The following LRRC7 variants were observed in gnomAD, a reference collection of about 807,000 sequenced individuals.
The protein encoded by LRRC7 is leucine rich repeat containing 7.
A neutral mutation model predicts 175.7 loss-of-function variants in LRRC7; 23 were observed. The observed-to-expected ratio is 0.13, with a 90% CI of 0.09 to 0.19. The LOEUF (loss-of-function observed/expected upper bound fraction) is 0.19, where lower values mean the gene tolerates loss of function less well. LRRC7 is among the 10% of genes least tolerant of loss of function. The probability of loss-of-function intolerance (pLI) is 1.00; values close to 1 mark genes in which losing one functional copy is unlikely to be tolerated. For synonymous variants in LRRC7, 685 were observed against 680.9 expected (o/e 1.01, Z -0.09); for missense variants, 1,354 against 1,904.7 (o/e 0.71, Z 5.38).
At position 69,656,857 on chromosome 1, in the gene LRRC7, C is replaced by T. The variant is rs539602459; in HGVS notation, c.3-21524C>T. On this transcript the variant is annotated intron_variant, in intron 1 of 26. Coordinates refer to ENST00000651989, the MANE Select transcript of LRRC7 (RefSeq NM_001370785.2). Reference sequence around the variant, plus strand: ...GTTAACCACTTGGGTATAACAATAACAATAGTAGAAATAAACAATTTTAGC... The same window carrying T: ...GTTAACCACTTGGGTATAACAATAATAATAGTAGAAATAAACAATTTTAGC... Among the ~76,000 whole-genome samples the T allele has an allele frequency of 2.7e-5, 4 of 149,556 alleles. No individual in the cohort carries two copies. In the East Asian group the frequency reaches 7.8e-4, roughly 29 times the overall value.
At position 69,600,793 on chromosome 1, in the gene LRRC7, CT is replaced by C. The variant is rs550238673; in HGVS notation, c.2+32153del. 1.7e-3 allele frequency among the ~76,000 whole-genome samples: 48 copies of C among 28,296 alleles called. 12 individuals are homozygous for C. In the East Asian group the frequency reaches 0.054, roughly 32 times the overall value. 18.6% of individuals were successfully genotyped at this position (28,296 alleles called of 152,430 possible). On this transcript the variant is annotated intron_variant, in intron 1 of 26. Transcript: ENST00000651989. ...GAATTAGCCATTTCTCCAAGGATCTCTGGTTTCTTTTTTTTTTTTTTTTTTT... is the reference window on the plus strand; with the variant it reads ...GAATTAGCCATTTCTCCAAGGATCTCGGTTTCTTTTTTTTTTTTTTTTTTT...
Position 69,665,730 on chromosome 1 carries a change from C to T in LRRC7, c.3-12651C>T, listed in dbSNP as rs553945542. Among the ~76,000 whole-genome samples, 9 of 151,282 alleles carry T rather than the reference C, an allele frequency of 5.9e-5. No homozygotes were observed. In the Middle Eastern group the frequency reaches 0.01, roughly 173 times the overall value. On this transcript the variant is annotated intron_variant, in intron 1 of 26. Transcript: ENST00000651989. ...GTTCTAATAGTTTTCTTGGTGGAGA[C>T]GTTAGATTTTTCCAAATATAAGATC...
At chr1:69,937,615 T>C (rs1648181425) in intron 8 of LRRC7, among the ~76,000 whole-genome samples, 1 of 152,046 alleles carries the variant, frequency 6.6e-6, no homozygotes, top group Non-Finnish European at 1.5e-5. Flanking sequence ...TTGCATACTT[T>C]ATCTGTAGGT....
At chr1:70,086,289 A>G (rs1048242153) in intron 24 of LRRC7, among the ~76,000 whole-genome samples, 1 of 152,080 alleles carries the variant, frequency 6.6e-6, no homozygotes, top group Non-Finnish European at 1.5e-5. Flanking sequence ...ATGCCAAGCT[A>G]ATTTTTGTAA....
intron 3 of LRRC7, among the ~76,000 whole-genome samples, chr1:69,784,931 G>A (rs1674230559): frequency 6.6e-6 from 1 of 151,964 alleles, no homozygotes; most frequent in South Asian, 2.1e-4. Flanking sequence ...TGGTCTTTTT[G>A]TTATGAATTC....
chr1:69,873,966 A>T (rs1230446303), intron 7 of LRRC7: 1 of 152,200 alleles, frequency 6.6e-6, no homozygotes, highest in East Asian at 1.9e-4. Context: ...AGTAAATAAG[A>T]TAATTTCTCT....
At chr1:69,618,521 G>T (rs1239227604) in intron 1 of LRRC7, among the ~76,000 whole-genome samples, 3 of 152,080 alleles carry the variant, frequency 2.0e-5, no homozygotes, top group African/African-American at 7.2e-5. Flanking sequence ...TGCTATGAAG[G>T]CTGTCTTAGT....
intron 2 of LRRC7, among the ~76,000 whole-genome samples, chr1:69,736,272 T>C (rs1483669341): frequency 2.6e-5 from 4 of 152,096 alleles, no homozygotes; most frequent in Non-Finnish European, 4.4e-5. Flanking sequence ...GAATAGAAAA[T>C]TATTGATTTA....
At chr1:70,116,410 G>A (rs1274519556) in intron 26 of LRRC7, among the ~76,000 whole-genome samples, 1 of 152,256 alleles carries the variant, frequency 6.6e-6, no homozygotes, top group Admixed American at 6.5e-5. Flanking sequence ...AGCCAGGCGT[G>A]GTGGCAGGCG....
At chr1:69,963,625 G>A (rs1651360208) in intron 8 of LRRC7, among the ~76,000 whole-genome samples, 1 of 152,140 alleles carries the variant, frequency 6.6e-6, no homozygotes, top group Non-Finnish European at 1.5e-5. Context: ...ACAGTTTTTT[G>A]TGTTTTTTTT....
At chr1:69,930,198 T>A (rs191757835) in intron 7 of LRRC7, among the ~76,000 whole-genome samples, 2 of 152,256 alleles carry the variant, frequency 1.3e-5, no homozygotes, top group African/African-American at 4.8e-5. Flanking sequence ...TCCTTTGAGG[T>A]AGGAATTTTT....
chr1:70,074,316 A>G (rs1662614765), intron 23 of LRRC7, among the ~76,000 whole-genome samples: 1 of 152,220 alleles, frequency 6.6e-6, no homozygotes, highest in Admixed American at 6.5e-5. Flanking sequence ...AAAAAAAAGA[A>G]AAGATATTCC....
chr1:69,919,419 A>G, intron 7 of LRRC7: 1 of 830,742 alleles, frequency 1.2e-6, no homozygotes, highest in East Asian at 2.8e-5. Context: ...CCTCAGGCCG[A>G]GGGTACTACT....
chr1:69,615,687 T>C (rs1166161211), intron 1 of LRRC7, among the ~76,000 whole-genome samples: 1 of 152,066 alleles, frequency 6.6e-6, no homozygotes, highest in African/African-American at 2.4e-5. Flanking sequence ...TAATTGTTAA[T>C]AAAGGAAGAA....
chr1:69,728,702 T>A (rs1001747789), intron 2 of LRRC7, among the ~76,000 whole-genome samples: 5 of 152,128 alleles, frequency 3.3e-5, no homozygotes, highest in Non-Finnish European at 1.5e-5. Flanking sequence ...TTATTTGCAA[T>A]AAAGGAAGCT....
At chr1:69,849,157 T>A (rs1220817224) in intron 7 of LRRC7, among the ~76,000 whole-genome samples, 2 of 152,002 alleles carry the variant, frequency 1.3e-5, no homozygotes, top group African/African-American at 4.8e-5. Context: ...ATGAGCAAGA[T>A]TAGAAATAAA....
intron 8 of LRRC7, among the ~76,000 whole-genome samples, chr1:69,933,288 C>A (rs552285469): frequency 5.9e-5 from 9 of 152,280 alleles, no homozygotes; most frequent in African/African-American, 1.9e-4. Context: ...AGGGTGGCCT[C>A]AACACAGATA....
chr1:69,623,186 A>G (rs1043924274), intron 1 of LRRC7, among the ~76,000 whole-genome samples: 2 of 152,192 alleles, frequency 1.3e-5, no homozygotes, highest in African/African-American at 2.4e-5. Context: ...GGAAACTCCA[A>G]CTCCAACCAC....
chr1:69,894,622 G>A, intron 7 of LRRC7, among the ~76,000 whole-genome samples: 1 of 152,008 alleles, frequency 6.6e-6, no homozygotes. Flanking sequence ...TAAAAAATGT[G>A]GCATTTGTAC....
Sources: gnomAD v4.1 joint callset for allele counts (sites outside exome capture counted in the v4.1 genomes callset) on GRCh38, gnomAD v4.1.1 for gene constraint, MANE v1.5 for transcripts, NCBI Gene and HGNC (gene_info 2026-07-23, HGNC 2026-07-21) for gene names.